The following RNASET2 variants were observed in gnomAD, a reference collection of about 807,000 sequenced individuals.
The protein encoded by RNASET2 is ribonuclease 6.
Under a neutral mutation model 33.9 loss-of-function variants are expected in RNASET2, and 28 were observed. The ratio of observed to expected loss-of-function variants is 0.83; its 90% CI spans 0.61 to 1.13. The LOEUF (loss-of-function observed/expected upper bound fraction) is 1.13. Among genes scored for constraint, RNASET2 ranks in the 50% most tolerant of loss-of-function variants. The pLI is 0.00. For synonymous variants in RNASET2, 123 were observed against 121.0 expected (o/e 1.02, Z -0.11); for missense variants, 330 against 319.9 (o/e 1.03, Z -0.24).
At position 166,946,535 on chromosome 6, in the gene RNASET2, A is replaced by G. The variant is rs1052875958; in HGVS notation, c.261+147T>C. On this transcript the variant is annotated intron_variant, in intron 4 of 8. Transcript: ENST00000508775. ...TAATTTGTGGGGTCGAGATAACAATACTTACTAAAACAGCAGCAAGGGCTC... is the reference window on the plus strand; with the variant it reads ...TAATTTGTGGGGTCGAGATAACAATGCTTACTAAAACAGCAGCAAGGGCTC... The G allele has an allele frequency of 8.9e-6, 6 of 674,476 alleles. No individual in the cohort carries two copies. The African/African-American group carries it at 9.1e-5, about 10-fold the overall frequency. The allele number at this position is 674,476 out of a possible 1,614,324, so 41.8% of individuals were successfully genotyped here. A position where few individuals can be genotyped will look rare whatever the true frequency, so the allele number is the denominator to read the frequency against.
At chr6:166,945,701 A>G (rs978664670) in intron 4 of RNASET2, among the ~76,000 whole-genome samples, 4 of 151,906 alleles carry the variant, frequency 2.6e-5, no homozygotes, top group Non-Finnish European at 4.4e-5. Flanking sequence ...ATGGTGGCGC[A>G]TGCCTGTAAT....
Position 166,938,886 on chromosome 6 carries a change from C to T in RNASET2, c.446+9G>A, listed in dbSNP as rs759687913. On this transcript the variant is annotated intron_variant, in intron 6 of 8. Coordinates refer to ENST00000508775, the MANE Select transcript of RNASET2 (RefSeq NM_003730.6). Reference sequence around the variant, plus strand: ...CTGGGAAGTGCAGCCGGGGGAAGGGCGCACCCACCTGTTGAGGTCCAGCTC... The same window carrying T: ...CTGGGAAGTGCAGCCGGGGGAAGGGTGCACCCACCTGTTGAGGTCCAGCTC... 44 of 1,586,144 alleles carry T rather than the reference C, an allele frequency of 2.8e-5. No homozygotes were observed. The highest frequency in any genetic ancestry group is 3.3e-4 in the Middle Eastern group (2 of 6,046).
chr6:166,938,534 C>A (rs368821555), intron 6 of RNASET2: 12 of 540,976 alleles, frequency 2.2e-5, no homozygotes, highest in Non-Finnish European at 4.1e-5. Context: ...CCAGAGTTTC[C>A]GTCTTTCTAA....
rs58837223 is a variant in RNASET2 at position 166,927,713 on chromosome 6, CAAAAAAA to C, written c.*1868_*1874del. ...TGATCCCTGTGTTCGCAAAATGACT[CAAAAAAA>C]AAAAAAAAAAAAAAAAGAATTGACA... On this transcript the variant is annotated 3_prime_UTR_variant, in exon 9 of 9. Coordinates refer to ENST00000508775, the MANE Select transcript of RNASET2 (RefSeq NM_003730.6). Among the ~76,000 whole-genome samples, 4 of 47,340 alleles carry C rather than the reference CAAAAAAA, an allele frequency of 8.4e-5. No homozygotes were observed. The highest frequency in any genetic ancestry group is 2.2e-4 in the Admixed American group (1 of 4,604). The allele number at this position is 47,340 out of a possible 152,430, so 31.1% of individuals were successfully genotyped here.
intron 5 of RNASET2, among the ~76,000 whole-genome samples, chr6:166,941,457 A>G (rs1778691750): frequency 6.6e-6 from 1 of 152,066 alleles, no homozygotes; most frequent in Admixed American, 6.6e-5. Context: ...GTGACATATA[A>G]TTTTTTTTCC....
At chr6:166,949,520 A>G (rs1228872219) in intron 2 of RNASET2, among the ~76,000 whole-genome samples, 1 of 151,686 alleles carries the variant, frequency 6.6e-6, no homozygotes, top group East Asian at 1.9e-4. Context: ...AAAAAAAAAA[A>G]AAAAAGAAAG....
At position 166,923,512 on chromosome 6, in the gene RNASET2, G is replaced by T. The variant is rs559574362; in HGVS notation, c.*6076C>A. On this transcript the variant is annotated 3_prime_UTR_variant, in exon 9 of 9. Coordinates refer to ENST00000508775, the MANE Select transcript of RNASET2 (RefSeq NM_003730.6). ...TAGGATTACAGGTATAAGCCACTGC[G>T]CCTGGCCCATCTCAAACTTTCTAAT... 1.1e-4 allele frequency among the ~76,000 whole-genome samples: 17 copies of T among 151,858 alleles called. No individual in the cohort carries two copies. Among genetic ancestry groups the T allele is most frequent in the South Asian group, 2.1e-4 (1 of 4,820 alleles).
At chr6:166,955,308 GACACA>G (rs1271730375) in intron 1 of RNASET2, among the ~76,000 whole-genome samples, 32 of 36,970 alleles carry the variant, frequency 8.7e-4, no homozygotes, top group African/African-American at 2.6e-3. Context: ...GCGCACACAC[GACACA>G]CACGCACACA....
Position 166,928,506 on chromosome 6 carries a change from G to A in RNASET2, c.*1082C>T, listed in dbSNP as rs1415737709. Among the ~76,000 whole-genome samples the A allele has an allele frequency of 1.4e-5, 2 of 146,076 alleles. No homozygotes were observed. Among genetic ancestry groups the A allele is most frequent in the Non-Finnish European group, 3.0e-5 (2 of 67,384 alleles). The stretch of plus-strand genomic sequence containing the variant: ...TTATTCTAAGGATTAAATATTTCAC[G>A]TGTTGAACACAATGCCTGGCACATA... On this transcript the variant is annotated 3_prime_UTR_variant, in exon 9 of 9. Transcript: ENST00000508775.
At position 166,927,940 on chromosome 6, in the gene RNASET2, C is replaced by G. The variant is rs547321169; in HGVS notation, c.*1648G>C. 2.0e-5 allele frequency among the ~76,000 whole-genome samples: 3 copies of G among 152,294 alleles called. No homozygotes were observed. Among genetic ancestry groups the G allele is most frequent in the Admixed American group, 1.3e-4 (2 of 15,306 alleles). ...CTGCCCTGCCAAGCCAACAGAAAAA[C>G]ACTGGAGACAGAAATGAGCTCAGAG... On this transcript the variant is annotated 3_prime_UTR_variant, in exon 9 of 9. Coordinates refer to ENST00000508775, the MANE Select transcript of RNASET2 (RefSeq NM_003730.6).
intron 2 of RNASET2, 122 bp downstream of exon 2, chr6:166,952,366 C>T: frequency 1.2e-6 from 1 of 869,152 alleles, no homozygotes; most frequent in Non-Finnish European, 2.0e-6. Context: ...CACCGCCCAC[C>T]CGCCAGAGCG....
chr6:166,939,732 C>G (rs1778652481), intron 5 of RNASET2, among the ~76,000 whole-genome samples: 1 of 152,134 alleles, frequency 6.6e-6, no homozygotes, highest in South Asian at 2.1e-4. Flanking sequence ...CACCTCAGGC[C>G]CATTTTCCAT....
chr6:166,928,233 G>C lies in RNASET2; in HGVS notation c.*1355C>G, dbSNP rs1369494150. On this transcript the variant is annotated 3_prime_UTR_variant, in exon 9 of 9. Transcript: ENST00000508775. ...TGTGTCTCCTTTAATGCCTGCGGGG[G>C]ACGCAGAGGCCACTGAGTCTAGGAT... Among the ~76,000 whole-genome samples, 1 of 152,230 alleles carries C rather than the reference G, an allele frequency of 6.6e-6. No homozygotes were observed. Among genetic ancestry groups the C allele is most frequent in the African/African-American group, 2.4e-5 (1 of 41,468 alleles).
At chr6:166,952,379 G>A in intron 2 of RNASET2, 109 bp downstream of exon 2, 1 of 960,824 alleles carries the variant, frequency 1.0e-6, no homozygotes, top group Non-Finnish European at 1.7e-6. Flanking sequence ...CCAGAGCGAT[G>A]CCTACCTCCC....
intron 3 of RNASET2, among the ~76,000 whole-genome samples, chr6:166,948,131 AG>A (rs1325125293): frequency 6.6e-6 from 1 of 152,150 alleles, no homozygotes; most frequent in Non-Finnish European, 1.5e-5. Context: ...GGATCACCTG[AG>A]GTCAGGAGGT....
chr6:166,950,468 T>A (rs1778957104), intron 2 of RNASET2, among the ~76,000 whole-genome samples: 1 of 152,204 alleles, frequency 6.6e-6, no homozygotes, highest in Non-Finnish European at 1.5e-5. Context: ...TCGTTTGTCA[T>A]CAGAAAAATC....
At chr6:166,946,162 T>C (rs1222900081) in intron 4 of RNASET2, among the ~76,000 whole-genome samples, 3 of 152,196 alleles carry the variant, frequency 2.0e-5, no homozygotes, top group African/African-American at 7.2e-5. Flanking sequence ...TCCCGCCCTG[T>C]GAGTTTTCTT....
chr6:166,955,200 C>T (rs1779083767), intron 1 of RNASET2, among the ~76,000 whole-genome samples: 1 of 133,146 alleles, frequency 7.5e-6, no homozygotes, highest in Middle Eastern at 3.7e-3. Context: ...CACACACGCA[C>T]GCACACACGC....
chr6:166,955,298 GCGCACACACGACACACACGCACACA>G (rs1189434362), intron 1 of RNASET2, among the ~76,000 whole-genome samples: 2 of 31,946 alleles, frequency 6.3e-5, no homozygotes, highest in African/African-American at 3.6e-4. Flanking sequence ...ACGCACAGAC[GCGCACACACGACACACACGCACACA>G]CACGCACGCA....
Sources: allele counts gnomAD v4.1 joint callset (sites outside exome capture counted in the v4.1 genomes callset), GRCh38; gene constraint gnomAD v4.1.1; transcripts MANE v1.5; gene names NCBI Gene and HGNC (gene_info 2026-07-23, HGNC 2026-07-21).